DELE1: variants seen among roughly 807,000 people sequenced by gnomAD.
DELE1 encodes the protein DAP3 binding cell death enhancer 1, also known as death ligand signal enhancer.
DELE1 carries 54 observed loss-of-function variants against 59.3 expected under a neutral mutation model. The observed-to-expected ratio is 0.91, with a 90% CI of 0.73 to 1.14. DELE1 has a LOEUF of 1.14. Ranked by LOEUF, DELE1 falls within the 50% of genes most tolerant of loss-of-function variation. DELE1 has a pLI of 0.00. For synonymous variants in DELE1, 264 were observed against 259.1 expected (o/e 1.02, Z -0.18); for missense variants, 636 against 643.9 (o/e 0.99, Z 0.13).
intron 7 of DELE1, chr5:141,931,386 A>T (rs1384076389): frequency 1.3e-5 from 2 of 152,124 alleles, no homozygotes; most frequent in African/African-American, 4.8e-5. Flanking sequence ...CACAGTAAAG[A>T]GTGTGGATTT....
intron 7 of DELE1, among the ~76,000 whole-genome samples, chr5:141,930,681 G>A (rs946030581): frequency 1.3e-5 from 2 of 152,218 alleles, no homozygotes; most frequent in African/African-American, 4.8e-5. Flanking sequence ...TGGAGGGCAC[G>A]TAGCATTCTC....
chr5:141,926,889 T>C (rs1751468112), intron 3 of DELE1, among the ~76,000 whole-genome samples: 1 of 152,246 alleles, frequency 6.6e-6, no homozygotes, highest in East Asian at 1.9e-4. Flanking sequence ...ACTGCTCATA[T>C]GAAAGGGTCT....
intron 11 of DELE1, among the ~76,000 whole-genome samples, chr5:141,937,841 T>G (rs1752495388): frequency 1.3e-5 from 2 of 150,780 alleles, no homozygotes; most frequent in African/African-American, 4.9e-5. Context: ...TGTTTTTTTT[T>G]GAGATGATGT....
intron 7 of DELE1, among the ~76,000 whole-genome samples, chr5:141,932,046 A>T (rs1019576979): frequency 9.2e-5 from 14 of 152,212 alleles, no homozygotes; most frequent in African/African-American, 3.4e-4. Flanking sequence ...TTGAGGAGAC[A>T]GGACTTGTAC....
In DELE1 at chr5:141,933,335, C is replaced by G. The variant is rs1442232547; in HGVS notation, c.831C>G (p.Ser277Arg). The G allele has an allele frequency of 1.3e-6, 2 of 1,566,120 alleles. No homozygotes were observed. The highest frequency in any genetic ancestry group is 3.4e-5 in the Admixed American group (2 of 58,406). The stretch of plus-strand genomic sequence containing the variant: ...AGAAAGCTGCAGCCCGCGGCTACAG[C>G]AAAGCGCAGTACAATGCGGGCTTGT... ...YFQKAAARGY[S>R]KAQYNAGLCH... Residue 277 changes from serine (S) to arginine (R), a missense_variant, in exon 8 of 12, where the codon AGC becomes AGG. Physicochemically the swap from Ser to Arg is moderately radical, Grantham distance 110. Coordinates refer to ENST00000432126, the MANE Select transcript of DELE1 (RefSeq NM_014773.5).
At position 141,941,992 on chromosome 5, in the gene DELE1, C is replaced by T; in HGVS notation, c.*3233C>T. On this transcript the variant is annotated 3_prime_UTR_variant, in exon 12 of 12. Transcript: ENST00000432126. The stretch of plus-strand genomic sequence containing the variant: ...ACACGCACACACACACACACGGTTT[C>T]CTGTGCTACTTCTGGCACTTAGTAA... The T allele has an allele frequency of 3.0e-6, 3 of 985,384 alleles. No individual in the cohort carries two copies. The highest frequency in any genetic ancestry group is 3.6e-6 in the Non-Finnish European group (3 of 829,926). The allele number at this position is 985,384 out of a possible 1,614,324, so 61.0% of individuals were successfully genotyped here. A position where few individuals can be genotyped will look rare whatever the true frequency, so the allele number is the denominator to read the frequency against.
Position 141,928,257 on chromosome 5 carries a change from T to C in DELE1, c.371T>C (p.Leu124Pro). ...GAACACTGCTCCTGGCACAGTCCCCTGGACCGTTTCTTCTCATCTCCCTTG... is the reference window on the plus strand; with the variant it reads ...GAACACTGCTCCTGGCACAGTCCCCCGGACCGTTTCTTCTCATCTCCCTTG... The part of the protein sequence containing the change: ...RVEHCSWHSP[L>P]DRFFSSPLWH... The change falls in exon 4 of 12, where the codon CTG (leucine) becomes CCG (proline). Residue 124 changes from leucine (L) to proline (P), a missense_variant. Physicochemically the swap from Leu to Pro is moderately conservative, Grantham distance 98 (BLOSUM62 -3). Coordinates refer to ENST00000432126, the MANE Select transcript of DELE1 (RefSeq NM_014773.5). 1.1e-5 allele frequency: 17 copies of C among 1,614,234 alleles called. No homozygotes were observed. Among genetic ancestry groups the C allele is most frequent in the Non-Finnish European group, 1.4e-5 (17 of 1,180,026 alleles).
rs117844904 is a variant in DELE1, at chr5:141,931,693, G to A, written c.754+1419G>A. On this transcript the variant is annotated intron_variant, in intron 7 of 11. Coordinates refer to ENST00000432126, the MANE Select transcript of DELE1 (RefSeq NM_014773.5). ...GGATGGTGGGATCCTTTGCACTCTTGAGTCTTCTACCCAAGGGCAGAGGGC... is the reference window on the plus strand; with the variant it reads ...GGATGGTGGGATCCTTTGCACTCTTAAGTCTTCTACCCAAGGGCAGAGGGC... Among the ~76,000 whole-genome samples, 106 of 152,266 alleles carry A rather than the reference G, an allele frequency of 7.0e-4. 2 individuals carry two copies. In the East Asian group the frequency reaches 0.019, roughly 27 times the overall value.
chr5:141,929,523 T>G, intron 4 of DELE1, 59 bp from the exon 5 acceptor site: 1 of 1,576,256 alleles, frequency 6.3e-7, no homozygotes, highest in Non-Finnish European at 8.6e-7. Context: ...GTGCTGTGAT[T>G]ATAGGTGTGA....
In DELE1 at chr5:141,940,140, T is replaced by C. The variant is rs940922933; in HGVS notation, c.*1381T>C. ...GTCTAGGTGTTTAATAAAACAGATA[T>C]TGGATTATCTCATCACTCTTGCCCT... On this transcript the variant is annotated 3_prime_UTR_variant, in exon 12 of 12. Transcript: ENST00000432126. The C allele has an allele frequency of 2.9e-5, 29 of 985,274 alleles. No homozygotes were observed. Among genetic ancestry groups the C allele is most frequent in the South Asian group, 1.9e-4 (4 of 21,292 alleles). The allele number at this position is 985,274 out of a possible 1,614,324, so 61.0% of individuals were successfully genotyped here. A position where few individuals can be genotyped will look rare whatever the true frequency, so the allele number is the denominator to read the frequency against.
chr5:141,934,599 A>G lies in DELE1; in HGVS notation c.1149+13A>G, dbSNP rs1752215545. 3 of 1,609,536 alleles carry G rather than the reference A, an allele frequency of 1.9e-6. No individual in the cohort carries two copies. Among genetic ancestry groups the G allele is most frequent in the Non-Finnish European group, 2.6e-6 (3 of 1,175,858 alleles). ...AGCCAACAATGGGGTATGCGATCTC[A>G]GTGGACAAGCATGTTGGGGATGAAG... On this transcript the variant is annotated intron_variant, in intron 10 of 11. Transcript: ENST00000432126.
chr5:141,931,526 C>T (rs565879377), intron 7 of DELE1, among the ~76,000 whole-genome samples: 80 of 152,060 alleles, frequency 5.3e-4, no homozygotes, highest in African/African-American at 1.7e-3. Context: ...GTAGGATTGC[C>T]GGGGGGAAAA....
intron 7 of DELE1, chr5:141,931,180 T>C (rs1404836607): frequency 1.3e-5 from 2 of 152,208 alleles, no homozygotes; most frequent in Non-Finnish European, 2.9e-5. Context: ...ACAGCCACTT[T>C]TGTTTCAATC....
At chr5:141,927,040 G>A (rs544372850) in intron 3 of DELE1, among the ~76,000 whole-genome samples, 1 of 152,324 alleles carries the variant, frequency 6.6e-6, no homozygotes, top group East Asian at 1.9e-4. Flanking sequence ...CCCCTTTTAT[G>A]CTCTGTGTAA....
At chr5:141,924,759 TTTTTG>T in intron 2 of DELE1, 64 bp downstream of exon 2, 3 of 1,063,120 alleles carry the variant, frequency 2.8e-6, no homozygotes, top group African/African-American at 3.5e-5. Context: ...TATTTTTTTT[TTTTTG>T]TTGTTTTTTG....
In DELE1 at chr5:141,929,650, A is replaced by T. The variant is rs770113742; in HGVS notation, c.481A>T (p.Arg161Trp). 1 of 1,614,168 alleles carries T rather than the reference A, an allele frequency of 6.2e-7. No individual in the cohort carries two copies. The highest frequency in any genetic ancestry group is 8.5e-7 in the Non-Finnish European group (1 of 1,180,028). ...CAGGCACACTGGCCTCAGGGAACCC[A>T]GGCTTGGCCAGGAAGAAGCCTCAGC... ...APRHTGLREP[R>W]LGQEEASAQP... Residue 161 changes from arginine (R) to tryptophan (W), a missense_variant, in exon 5 of 12, where the codon AGG (arginine) becomes TGG (tryptophan). Physicochemically the swap from Arg to Trp is moderately radical, Grantham distance 101. Coordinates refer to ENST00000432126, the MANE Select transcript of DELE1 (RefSeq NM_014773.5).
intron 1 of DELE1, 118 bp downstream of exon 1, chr5:141,924,090 G>C: frequency 1.5e-6 from 2 of 1,350,832 alleles, no homozygotes; most frequent in East Asian, 2.5e-5. Flanking sequence ...AAGGAAGGCG[G>C]GGCTTGAAAG....
chr5:141,939,658 T>C lies in DELE1; in HGVS notation c.*899T>C. The stretch of plus-strand genomic sequence containing the variant: ...AGATACCCACCCACCTTCCCCCAAA[T>C]CTTAAGCACCTGCGCCAGTACAGTC... On this transcript the variant is annotated 3_prime_UTR_variant, in exon 12 of 12. Transcript: ENST00000432126. 1 of 985,766 alleles carries C rather than the reference T, an allele frequency of 1.0e-6. No individual in the cohort carries two copies. The highest frequency in any genetic ancestry group is 1.2e-6 in the Non-Finnish European group (1 of 829,960). 61.1% of individuals were successfully genotyped at this position (985,766 alleles called of 1,614,324 possible). A position where few individuals can be genotyped will look rare whatever the true frequency, so the allele number is the denominator to read the frequency against.
In DELE1 at chr5:141,938,874, A is replaced by G; in HGVS notation, c.*115A>G. 1 of 1,488,980 alleles carries G rather than the reference A, an allele frequency of 6.7e-7. No individual in the cohort carries two copies. The highest frequency in any genetic ancestry group is 8.9e-7 in the Non-Finnish European group (1 of 1,126,818). 92.2% of individuals were successfully genotyped at this position (1,488,980 alleles called of 1,614,324 possible). A position where few individuals can be genotyped will look rare whatever the true frequency, so the allele number is the denominator to read the frequency against. On this transcript the variant is annotated 3_prime_UTR_variant, in exon 12 of 12. Transcript: ENST00000432126. The stretch of plus-strand genomic sequence containing the variant: ...CAGGTAGAAATTCCAGCGGGAGTTC[A>G]GGTTCCCAAGCAATTTCACGTACAT...
Sources: allele counts gnomAD v4.1 joint callset (sites outside exome capture counted in the v4.1 genomes callset), GRCh38; gene constraint gnomAD v4.1.1; transcripts MANE v1.5; gene names NCBI Gene and HGNC (gene_info 2026-07-23, HGNC 2026-07-21).